Variants in ASAP1 observed in about 807,000 individuals in gnomAD.
ASAP1 encodes ArfGAP with SH3 domain, ankyrin repeat and PH domain 1.
ASAP1 carries 43 observed loss-of-function variants against 145.2 expected under a neutral mutation model. The ratio of observed to expected loss-of-function variants is 0.30; its 90% CI spans 0.23 to 0.38. The LOEUF (loss-of-function observed/expected upper bound fraction) is 0.38. ASAP1 is among the 10% of genes least tolerant of loss of function. ASAP1 has a pLI of 1.00. For synonymous variants in ASAP1, 546 were observed against 515.5 expected (o/e 1.06, Z -0.80); for missense variants, 1,018 against 1,355.3 (o/e 0.75, Z 3.91).
At chr8:130,093,582 G>A (rs1204453825) in intron 24 of ASAP1, among the ~76,000 whole-genome samples, 2 of 143,444 alleles carry the variant, frequency 1.4e-5, no homozygotes, top group South Asian at 2.2e-4. Context: ...CTGGAGAATC[G>A]CTTGAACCCA....
At chr8:130,421,178 G>A (rs77783234) in intron 1 of ASAP1, among the ~76,000 whole-genome samples, 6,546 of 152,200 alleles carry the variant, frequency 0.043, 243 homozygotes, top group African/African-American at 0.099. Flanking sequence ...TTCTGCATAC[G>A]CTGGGTGCAT....
rs1480847017 is a variant in ASAP1 at position 130,115,478 on chromosome 8, T to C, written c.2172+150A>G. On this transcript the variant is annotated intron_variant, in intron 23 of 29. Coordinates refer to ENST00000518721, the MANE Select transcript of ASAP1 (RefSeq NM_018482.4). Reference sequence around the variant, plus strand: ...CAACCTTAATATAGCTGTTAAATGGTGCCCAATAAGGACTGAACAACATAA... The same window carrying C: ...CAACCTTAATATAGCTGTTAAATGGCGCCCAATAAGGACTGAACAACATAA... 14 of 655,364 alleles carry C rather than the reference T, an allele frequency of 2.1e-5. No individual in the cohort carries two copies. The Middle Eastern group carries it at 1.5e-3, about 69-fold the overall frequency. 40.6% of individuals were successfully genotyped at this position (655,364 alleles called of 1,614,324 possible).
At chr8:130,403,709 C>CTTGG (rs1208469053) in intron 1 of ASAP1, among the ~76,000 whole-genome samples, 1 of 151,938 alleles carries the variant, frequency 6.6e-6, no homozygotes, top group Non-Finnish European at 1.5e-5. Context: ...TCCGCCACCA[C>CTTGG]GCCCAGCTAC....
At chr8:130,329,037 C>T (rs1824518304) in intron 3 of ASAP1, among the ~76,000 whole-genome samples, 2 of 152,168 alleles carry the variant, frequency 1.3e-5, no homozygotes, top group Non-Finnish European at 2.9e-5. Context: ...AATGGTTCCA[C>T]TGAAGCCTTT....
intron 24 of ASAP1, among the ~76,000 whole-genome samples, chr8:130,094,324 C>T (rs1268272573): frequency 1.3e-5 from 2 of 152,130 alleles, no homozygotes; most frequent in African/African-American, 2.4e-5. Flanking sequence ...AATCTTCCCT[C>T]CTCAGCCTCC....
chr8:130,266,143 A>C (rs1212383768), intron 3 of ASAP1, among the ~76,000 whole-genome samples: 1 of 152,180 alleles, frequency 6.6e-6, no homozygotes, highest in African/African-American at 2.4e-5. Context: ...ATCTCAATGA[A>C]AGGTGAACTA....
intron 17 of ASAP1, 116 bp downstream of exon 17, chr8:130,125,840 A>C (rs1188698293): frequency 9.0e-7 from 1 of 1,105,714 alleles, no homozygotes; most frequent in African/African-American, 1.6e-5. Flanking sequence ...AAACTCACAA[A>C]ATTCAGGAAT....
intron 1 of ASAP1, among the ~76,000 whole-genome samples, chr8:130,427,996 T>A (rs1236711064): frequency 6.6e-6 from 1 of 152,138 alleles, no homozygotes; most frequent in Non-Finnish European, 1.5e-5. Context: ...CCCTTCCACA[T>A]CCTACCACAT....
chr8:130,194,738 G>A (rs1486980753), intron 5 of ASAP1, among the ~76,000 whole-genome samples: 2 of 152,134 alleles, frequency 1.3e-5, no homozygotes, highest in African/African-American at 2.4e-5. Flanking sequence ...CAGGGTTTGC[G>A]CTGCTTTGAG....
chr8:130,102,134 T>C (rs2097529829), intron 24 of ASAP1, among the ~76,000 whole-genome samples: 1 of 152,200 alleles, frequency 6.6e-6, no homozygotes, highest in East Asian at 1.9e-4. Flanking sequence ...TCCAGCACTA[T>C]CTGAGCAGGA....
In ASAP1 at chr8:130,179,299, C is replaced by G; in HGVS notation, c.711G>C (p.Leu237=). 6.2e-7 allele frequency: 1 copy of G among 1,609,480 alleles called. No homozygotes were observed. The highest frequency in any genetic ancestry group is 1.7e-5 in the Admixed American group (1 of 59,946). ...CATGGTAATACTTTATAAGATTCTG[C>G]AGCAGATCCACACCCTTTTTGGTCT... ...EIKTKKGVDL[L]QNLIKYYHAQ... The change falls in exon 9 of 30, where the codon CTG becomes CTC. Residue 237 remains leucine, a synonymous_variant. Coordinates refer to ENST00000518721, the MANE Select transcript of ASAP1 (RefSeq NM_018482.4).
chr8:130,255,129 A>G (rs774652931), intron 3 of ASAP1, among the ~76,000 whole-genome samples: 5 of 152,144 alleles, frequency 3.3e-5, no homozygotes, highest in Non-Finnish European at 7.4e-5. Flanking sequence ...AATCTTAAAG[A>G]TATTTATATT....
At chr8:130,253,092 G>C (rs1242341235) in intron 3 of ASAP1, among the ~76,000 whole-genome samples, 1 of 152,126 alleles carries the variant, frequency 6.6e-6, no homozygotes, top group Non-Finnish European at 1.5e-5. Flanking sequence ...TTCAGGCTTA[G>C]TTACACAATT....
chr8:130,065,089 C>T (rs1332141148), intron 27 of ASAP1, among the ~76,000 whole-genome samples: 2 of 152,026 alleles, frequency 1.3e-5, no homozygotes, highest in Non-Finnish European at 2.9e-5. Context: ...TTATGTTACC[C>T]GGCTGGTCTC....
At chr8:130,337,238 G>C (rs1482856568) in intron 3 of ASAP1, among the ~76,000 whole-genome samples, 1 of 152,158 alleles carries the variant, frequency 6.6e-6, no homozygotes, top group Admixed American at 6.5e-5. Context: ...TTTGATTTAG[G>C]ATCTGCTTAC....
intron 5 of ASAP1, among the ~76,000 whole-genome samples, chr8:130,200,081 T>C (rs112213294): frequency 0.02 from 3,107 of 152,196 alleles, 101 homozygotes; most frequent in African/African-American, 0.069. Context: ...CTGGCAGTTT[T>C]CCCCCACTTC....
chr8:130,154,587 G>A (rs1344782919), intron 12 of ASAP1, among the ~76,000 whole-genome samples: 4 of 152,134 alleles, frequency 2.6e-5, no homozygotes, highest in Admixed American at 6.5e-5. Flanking sequence ...AGCTTTCCCA[G>A]GCATTTAAAA....
intron 24 of ASAP1, among the ~76,000 whole-genome samples, chr8:130,104,451 T>G (rs1023909799): frequency 2.6e-5 from 4 of 152,254 alleles, no homozygotes; most frequent in African/African-American, 9.6e-5. Flanking sequence ...CTCCGTCCTT[T>G]GTTCTCTGCC....
intron 1 of ASAP1, among the ~76,000 whole-genome samples, chr8:130,425,399 C>T (rs1361760860): frequency 6.6e-6 from 1 of 151,580 alleles, no homozygotes; most frequent in East Asian, 1.9e-4. Context: ...CAGCTGTAGT[C>T]CCAACTGTTT....
Sources: allele counts gnomAD v4.1 joint callset (sites outside exome capture counted in the v4.1 genomes callset), GRCh38; gene constraint gnomAD v4.1.1; transcripts MANE v1.5; gene names NCBI Gene and HGNC (gene_info 2026-07-23, HGNC 2026-07-21).